Variants in PADI4 observed in about 807,000 individuals in gnomAD.
PADI4 encodes protein-arginine deiminase type-4.
PADI4 carries 62 observed loss-of-function variants against 75.0 expected under a neutral mutation model. That is an observed-to-expected ratio of 0.83 (90% CI 0.67 to 1.02). PADI4 has a LOEUF of 1.02. Among genes scored for constraint, PADI4 ranks in the 50% least tolerant of loss-of-function variants. PADI4 has a pLI of 0.00. For synonymous variants in PADI4, 361 were observed against 348.1 expected (o/e 1.04, Z -0.41); for missense variants, 845 against 850.5 (o/e 0.99, Z 0.08).
intron 1 of PADI4, among the ~76,000 whole-genome samples, chr1:17,322,851 C>T (rs925828399): frequency 1.3e-5 from 2 of 151,978 alleles, no homozygotes; most frequent in Admixed American, 1.3e-4. Context: ...CCCCTTCTCC[C>T]CCTCCCACTT....
chr1:17,363,712 G>T lies in PADI4; in HGVS notation c.1949G>T (p.Arg650Leu). ...GAGGTGCACTGCGGCACCAACGTGC[G>T]CAGAAAGCCCTTCTCCTTCAAGTGG... The part of the protein sequence containing the change: ...HGEVHCGTNV[R>L]RKPFSFKWWN... Residue 650 changes from arginine (R) to leucine (L), a missense_variant, in exon 16 of 16, where the codon CGC becomes CTC. Coordinates refer to ENST00000375448, the MANE Select transcript of PADI4 (RefSeq NM_012387.3). 6.2e-7 allele frequency: 1 copy of T among 1,614,146 alleles called. No homozygotes were observed. The highest frequency in any genetic ancestry group is 2.2e-5 in the East Asian group (1 of 44,868).
At chr1:17,338,203 TTTG>T in intron 5 of PADI4, 48 bp downstream of exon 5, 2 of 1,185,852 alleles carry the variant, frequency 1.7e-6, no homozygotes, top group Non-Finnish European at 2.5e-6. Flanking sequence ...ATAAAGCCCT[TTTG>T]CCCACATAGC....
intron 1 of PADI4, among the ~76,000 whole-genome samples, chr1:17,311,736 A>G (rs1160071120): frequency 6.6e-6 from 1 of 152,008 alleles, no homozygotes; most frequent in African/African-American, 2.4e-5. Flanking sequence ...CGTGTTAGCC[A>G]GGATGGTCTC....
chr1:17,342,477 G>C, intron 8 of PADI4, 75 bp downstream of exon 8: 3 of 905,980 alleles, frequency 3.3e-6, no homozygotes, highest in Non-Finnish European at 3.5e-6. Context: ...CTCACTGTGT[G>C]ATGGGAAAAA....
intron 1 of PADI4, among the ~76,000 whole-genome samples, chr1:17,314,990 G>A (rs917963803): frequency 3.3e-5 from 5 of 152,174 alleles, no homozygotes; most frequent in Non-Finnish European, 7.4e-5. Context: ...AGTGCCACCC[G>A]GGGTGATGAC....
chr1:17,333,588 G>C (rs1259478114), intron 2 of PADI4, among the ~76,000 whole-genome samples: 1 of 151,560 alleles, frequency 6.6e-6, no homozygotes, highest in Non-Finnish European at 1.5e-5. Context: ...GCCAGAGTCA[G>C]TTCTGTGGCT....
rs752856720 is a variant in PADI4, at chr1:17,338,151, C to T, written c.522C>T (p.Ser174=). The change falls in exon 5 of 16, where the codon AGC becomes AGT. Residue 174 remains serine, a synonymous_variant. Coordinates refer to ENST00000375448, the MANE Select transcript of PADI4 (RefSeq NM_012387.3). The part of the protein sequence containing the change: ...MDCEDDEVLD[S]EDLQDMSLMT... Reference sequence around the variant, plus strand: ...GCGAGGATGATGAAGTGCTTGACAGCGAAGGTAAAGAGCATTTGCTAGCTA... The same window carrying T: ...GCGAGGATGATGAAGTGCTTGACAGTGAAGGTAAAGAGCATTTGCTAGCTA... The T allele has an allele frequency of 1.9e-5, 30 of 1,599,150 alleles. 1 individual carries two copies. The South Asian group carries it at 2.4e-4, about 13-fold the overall frequency.
At position 17,308,266 on chromosome 1, in the gene PADI4, C is replaced by G. The variant is rs148054220; in HGVS notation, c.44C>G (p.Thr15Ser). Residue 15 changes from threonine (T) to serine (S), a missense_variant, in exon 1 of 16, where the codon ACC becomes AGC. Coordinates refer to ENST00000375448, the MANE Select transcript of PADI4 (RefSeq NM_012387.3). ...ATCCGTGTGACCCCAGAGCAGCCCACCCATGCCGTGTGTGTGCTGGGCACC... is the reference window on the plus strand; with the variant it reads ...ATCCGTGTGACCCCAGAGCAGCCCAGCCATGCCGTGTGTGTGCTGGGCACC... Reference protein sequence around the residue: ...TLIRVTPEQPTHAVCVLGTLT... With the variant: ...TLIRVTPEQPSHAVCVLGTLT... 1.9e-6 allele frequency: 3 copies of G among 1,614,020 alleles called. No homozygotes were observed. The highest frequency in any genetic ancestry group is 2.5e-6 in the Non-Finnish European group (3 of 1,180,026).
At chr1:17,351,973 AGGTGATGGGAGG>A (rs2074641741) in intron 10 of PADI4, among the ~76,000 whole-genome samples, 1 of 47,336 alleles carries the variant, frequency 2.1e-5, no homozygotes, top group African/African-American at 2.4e-4. Context: ...GCGGCCAGGG[AGGTGATGGGAGG>A]AGAGGCAGTC....
intron 1 of PADI4, among the ~76,000 whole-genome samples, chr1:17,324,469 T>C (rs2074087442): frequency 6.6e-6 from 1 of 152,146 alleles, no homozygotes; most frequent in Non-Finnish European, 1.5e-5. Flanking sequence ...TTAACAGAAT[T>C]TATTTTCTTT....
rs558587645 is a variant in PADI4 at position 17,322,578 on chromosome 1, AG to A, written c.93-8388del. ...TAGGGTAAAGATCTTTGGGGCCCAC[AG>A]GGAATTTCCTTGTGGGCCAATTGTG... is the stretch of plus-strand genomic sequence containing the variant. On this transcript the variant is annotated intron_variant, in intron 1 of 15. Transcript: ENST00000375448. 8.5e-5 allele frequency among the ~76,000 whole-genome samples: 13 copies of A among 152,278 alleles called. No individual in the cohort carries two copies. In the South Asian group the frequency reaches 1.7e-3, roughly 19 times the overall value.
chr1:17,335,684 T>C (rs2074296862), intron 3 of PADI4, among the ~76,000 whole-genome samples: 1 of 152,182 alleles, frequency 6.6e-6, no homozygotes, highest in South Asian at 2.1e-4. Flanking sequence ...TTGCAATTTG[T>C]CCCCAGATAC....
At chr1:17,354,829 G>C (rs553725978) in intron 11 of PADI4, 142 bp downstream of exon 11, 4 of 792,336 alleles carry the variant, frequency 5.0e-6, no homozygotes, top group Non-Finnish European at 7.7e-6. Flanking sequence ...GAATCCAAGC[G>C]CAGGGTGAGG....
intron 2 of PADI4, 139 bp from the exon 3 acceptor site, chr1:17,333,804 C>T: frequency 3.2e-6 from 2 of 627,654 alleles, no homozygotes; most frequent in Non-Finnish European, 5.9e-6. Flanking sequence ...TCGGATGGGG[C>T]CACTCCTTAC....
intron 1 of PADI4, among the ~76,000 whole-genome samples, chr1:17,320,656 T>C (rs1031120887): frequency 6.6e-6 from 1 of 152,160 alleles, no homozygotes; most frequent in South Asian, 2.1e-4. Context: ...TTATAATTAG[T>C]GTATAACGAG....
At chr1:17,347,439 T>C (rs1007010673) in intron 9 of PADI4, among the ~76,000 whole-genome samples, 1 of 152,192 alleles carries the variant, frequency 6.6e-6, no homozygotes, top group African/African-American at 2.4e-5. Flanking sequence ...AACCTCCCCG[T>C]GCTCCTCCTG....
intron 1 of PADI4, among the ~76,000 whole-genome samples, chr1:17,322,737 T>G (rs2074052556): frequency 6.6e-6 from 1 of 152,128 alleles, no homozygotes; most frequent in Non-Finnish European, 1.5e-5. Context: ...TATTTTCCTT[T>G]CACAGTCTGT....
intron 1 of PADI4, among the ~76,000 whole-genome samples, chr1:17,327,887 C>A (rs528167758): frequency 5.3e-5 from 8 of 152,128 alleles, no homozygotes; most frequent in Admixed American, 3.9e-4. Context: ...CCAATTTCTC[C>A]CTATGTGGCC....
intron 1 of PADI4, among the ~76,000 whole-genome samples, chr1:17,315,873 C>A (rs2073923939): frequency 6.6e-6 from 1 of 151,916 alleles, no homozygotes; most frequent in Non-Finnish European, 1.5e-5. Flanking sequence ...CTCTCTCAAC[C>A]CCCAGTCCCC....
Sources: allele counts gnomAD v4.1 joint callset (sites outside exome capture counted in the v4.1 genomes callset), GRCh38; gene constraint gnomAD v4.1.1; transcripts MANE v1.5; gene names NCBI Gene and HGNC (gene_info 2026-07-23, HGNC 2026-07-21).